The following KCNJ4 variants were observed in gnomAD, a reference collection of about 807,000 sequenced individuals.
The protein encoded by KCNJ4 is inward rectifier potassium channel 4.
Under a neutral mutation model 25.6 loss-of-function variants are expected in KCNJ4, and 3 were observed. The ratio of observed to expected loss-of-function variants is 0.12; its 90% confidence interval spans 0.05 to 0.30. KCNJ4 has a LOEUF of 0.30. Ranked by LOEUF, KCNJ4 falls within the 10% of genes least tolerant of loss-of-function variation. The pLI is 1.00. For synonymous variants in KCNJ4, 257 were observed against 283.9 expected (o/e 0.91, Z 0.95); for missense variants, 286 against 666.8 (o/e 0.43, Z 6.29).
At chr22:38,442,943 A>G (rs909653139) in intron 1 of KCNJ4, among the ~76,000 whole-genome samples, 2 of 151,908 alleles carry the variant, frequency 1.3e-5, no homozygotes, top group East Asian at 3.9e-4. Flanking sequence ...GGGCCTCCCT[A>G]TGTTACCCAG....
chr22:38,454,230 T>C (rs914535835), intron 1 of KCNJ4, among the ~76,000 whole-genome samples: 3 of 152,076 alleles, frequency 2.0e-5, no homozygotes, highest in African/African-American at 7.2e-5. Context: ...CCCACCCAGC[T>C]TGCCACCTCC....
chr22:38,439,262 T>C (rs1384185939), intron 1 of KCNJ4, among the ~76,000 whole-genome samples: 1 of 151,362 alleles, frequency 6.6e-6, no homozygotes, highest in Non-Finnish European at 1.5e-5. Flanking sequence ...TGAAACTCTA[T>C]CTCTACTAAA....
intron 1 of KCNJ4, among the ~76,000 whole-genome samples, chr22:38,436,342 G>T (rs1313587106): frequency 6.6e-6 from 1 of 152,138 alleles, no homozygotes; most frequent in African/African-American, 2.4e-5. Context: ...CATCCACAGG[G>T]CCCTGCCCAG....
chr22:38,431,879 G>T (rs578057981), intron 1 of KCNJ4, among the ~76,000 whole-genome samples: 2 of 152,168 alleles, frequency 1.3e-5, no homozygotes, highest in East Asian at 1.9e-4. Context: ...GGCTTCCCAG[G>T]GAAGGCTGAC....
rs1024504858 is a variant in KCNJ4 at position 38,443,424 on chromosome 22, G to A, written c.-40+11556C>T. ...CTGCTGGACAGTGAAGAGGCATCGC[G>A]AACCCGGCACTGCCAAGCCCAAGCC... is the stretch of plus-strand genomic sequence containing the variant. On this transcript the variant is annotated intron_variant, in intron 1 of 1. Coordinates refer to ENST00000303592, the MANE Select transcript of KCNJ4 (RefSeq NM_152868.3). This position sits in a 1 kb window ranked among gnomAD's most constrained non-coding sequence, Gnocchi z 4.1. 2.0e-5 allele frequency among the ~76,000 whole-genome samples: 3 copies of A among 152,034 alleles called. No individual in the cohort carries two copies. The highest frequency in any genetic ancestry group is 2.9e-5 in the Non-Finnish European group (2 of 67,990).
chr22:38,439,089 T>C (rs2089313885), intron 1 of KCNJ4, among the ~76,000 whole-genome samples: 1 of 151,990 alleles, frequency 6.6e-6, no homozygotes, highest in African/African-American at 2.4e-5. Flanking sequence ...CTACAAAAAA[T>C]TTAAGTTAGC....
Position 38,427,878 on chromosome 22 carries a change from A to G in KCNJ4, c.255T>C (p.Gly85=), listed in dbSNP as rs1398531520. 2 of 1,611,802 alleles carry G rather than the reference A, an allele frequency of 1.2e-6. No homozygotes were observed. Among genetic ancestry groups the G allele is most frequent in the East Asian group, 4.5e-5 (2 of 44,816 alleles). ...GCACCCCTGGGCTGGCCTCCAGGTC[A>G]CCGTGGAAGAAGGCGATACACCAGA... ...LLFWCIAFFH[G]DLEASPGVPA... The change falls in exon 2 of 2, where the codon GGT becomes GGC. Residue 85 remains glycine (G), a synonymous_variant. Transcript: ENST00000303592.
chr22:38,433,572 C>T (rs2093056626), intron 1 of KCNJ4, among the ~76,000 whole-genome samples: 1 of 152,202 alleles, frequency 6.6e-6, no homozygotes, highest in East Asian at 1.9e-4. Context: ...CTGCCTCGGT[C>T]TCCCAAAATG....
In KCNJ4 at chr22:38,426,535, G is replaced by C. The variant is rs12167479; in HGVS notation, c.*260C>G. On this transcript the variant is annotated 3_prime_UTR_variant, in exon 2 of 2. Coordinates refer to ENST00000303592, the MANE Select transcript of KCNJ4 (RefSeq NM_152868.3). The stretch of plus-strand genomic sequence containing the variant: ...AGGGCACGTCCTTGAAGAGTCAGTG[G>C]GGGAAGGGTGGTGGATCCGGGGACC... 7 of 469,872 alleles carry C rather than the reference G, an allele frequency of 1.5e-5. No homozygotes were observed. The highest frequency in any genetic ancestry group is 7.2e-5 in the South Asian group (2 of 27,754). The allele number at this position is 469,872 out of a possible 1,614,324, so 29.1% of individuals were successfully genotyped here.
At chr22:38,428,443 C>T (rs1402978084) in intron 1 of KCNJ4, among the ~76,000 whole-genome samples, 2 of 152,362 alleles carry the variant, frequency 1.3e-5, no homozygotes, top group East Asian at 3.9e-4. Flanking sequence ...TGCCCCTCAA[C>T]ACTGCCCCTC....
At chr22:38,437,030 T>A (rs761460729) in intron 1 of KCNJ4, among the ~76,000 whole-genome samples, 42 of 152,286 alleles carry the variant, frequency 2.8e-4, no homozygotes, top group Non-Finnish European at 5.4e-4. Context: ...CAGGGCAAGT[T>A]GGAGCCAGGA....
At chr22:38,454,909 C>T (rs1213198620) in intron 1 of KCNJ4, 71 bp downstream of exon 1, 6 of 151,704 alleles carry the variant, frequency 4.0e-5, no homozygotes, top group Non-Finnish European at 7.4e-5. Context: ...GCGGCGGGCC[C>T]GGGACACACA....
intron 1 of KCNJ4, among the ~76,000 whole-genome samples, chr22:38,436,404 G>A (rs990668376): frequency 4.6e-5 from 7 of 152,136 alleles, no homozygotes; most frequent in East Asian, 3.9e-4. Context: ...GAGCAGCCTC[G>A]GTGCTGTTCC....
intron 1 of KCNJ4, among the ~76,000 whole-genome samples, chr22:38,433,070 T>G (rs1008875916): frequency 2.0e-5 from 3 of 152,236 alleles, no homozygotes; most frequent in African/African-American, 7.2e-5. Context: ...TGCTGACTGC[T>G]TTTTAAATGT....
Position 38,426,605 on chromosome 22 carries a change from G to T in KCNJ4, c.*190C>A. 4.3e-6 allele frequency: 3 copies of T among 694,772 alleles called. No individual in the cohort carries two copies. Among genetic ancestry groups the T allele is most frequent in the Non-Finnish European group, 4.8e-6 (2 of 419,630 alleles). The allele number at this position is 694,772 out of a possible 1,614,324, so 43.0% of individuals were successfully genotyped here. ...CGCTGGCGGAACTCAGGCTGATCGG[G>T]GCCGAGCTCTTCCCAGGCCTGGGTG... On this transcript the variant is annotated 3_prime_UTR_variant, in exon 2 of 2. Transcript: ENST00000303592.
intron 1 of KCNJ4, among the ~76,000 whole-genome samples, chr22:38,437,119 G>A (rs1387855266): frequency 6.6e-6 from 1 of 152,220 alleles, no homozygotes; most frequent in Non-Finnish European, 1.5e-5. Context: ...GCAGCAAGGG[G>A]TGAACCGGCT....
Position 38,427,203 on chromosome 22 carries a change from G to A in KCNJ4, c.930C>T (p.Ser310=), listed in dbSNP as rs767681232. 20 of 1,613,380 alleles carry A rather than the reference G, an allele frequency of 1.2e-5. No individual in the cohort carries two copies. The highest frequency in any genetic ancestry group is 5.0e-5 in the Admixed American group (3 of 60,014). ...CAAAGCGGTGGCCCCACAGGATCTC[G>A]CTGGCCAGGTAGGAGCTGCGGGCCT... ...TTQARSSYLA[S]EILWGHRFEP... The change falls in exon 2 of 2, where the codon AGC becomes AGT. Residue 310 remains serine, a synonymous_variant. Coordinates refer to ENST00000303592, the MANE Select transcript of KCNJ4 (RefSeq NM_152868.3).
rs1482812924 is a variant in KCNJ4, at chr22:38,426,858, C to T, written c.1275G>A (p.Leu425=). Residue 425 remains leucine (L), a synonymous_variant, in exon 2 of 2, where the codon CTG becomes CTA. Transcript: ENST00000303592. ...RMLEFGSHLD[L]ERMQASLPLD... ...GCGGGAGGGAAGCCTGCATGCGCTC[C>T]AGGTCCAGGTGGCTGCCGAACTCCA... 6.2e-7 allele frequency: 1 copy of T among 1,613,502 alleles called. No homozygotes were observed. The highest frequency in any genetic ancestry group is 8.5e-7 in the Non-Finnish European group (1 of 1,179,972).
intron 1 of KCNJ4, among the ~76,000 whole-genome samples, chr22:38,454,717 C>G (rs2086426184): frequency 6.6e-6 from 1 of 152,090 alleles, no homozygotes; most frequent in Non-Finnish European, 1.5e-5. Context: ...GGTCAAGACC[C>G]CTTCCACCCA....
Sources: allele counts gnomAD v4.1 joint callset (sites outside exome capture counted in the v4.1 genomes callset), GRCh38; gene constraint gnomAD v4.1.1; non-coding constraint Gnocchi (gnomAD v3.1); transcripts MANE v1.5; gene names NCBI Gene and HGNC (gene_info 2026-07-23, HGNC 2026-07-21).